Variants in FTO observed in about 807,000 individuals in gnomAD.
FTO encodes the protein FTO alpha-ketoglutarate dependent dioxygenase.
In FTO, 47 loss-of-function variants were observed where a neutral mutation model predicts 63.9. The ratio of observed to expected loss-of-function variants is 0.74; its 90% confidence interval spans 0.58 to 0.94. The LOEUF (loss-of-function observed/expected upper bound fraction) is 0.94, where lower values mean the gene tolerates loss of function less well. Among genes scored for constraint, FTO ranks in the 40% least tolerant of loss-of-function variants. The pLI is 0.00. For missense variants in FTO, 562 were observed against 618.1 expected, an observed-to-expected ratio of 0.91 and a Z score of 0.96; for synonymous variants, 207 against 224.4, an observed-to-expected ratio of 0.92 and a Z score of 0.69.
intron 6 of FTO, among the ~76,000 whole-genome samples, chr16:53,881,146 TAAATAA>T (rs2080820013): frequency 6.7e-6 from 1 of 149,666 alleles, no homozygotes; most frequent in Admixed American, 6.7e-5. Context: ...AATAAATAAA[TAAATAA>T]AAATAAAATA....
intron 1 of FTO, among the ~76,000 whole-genome samples, chr16:53,755,118 T>A (rs1269382453): frequency 6.6e-6 from 1 of 152,232 alleles, no homozygotes; most frequent in East Asian, 1.9e-4. Context: ...CCAAGATTAA[T>A]AGCTCTTGAA....
intron 7 of FTO, among the ~76,000 whole-genome samples, chr16:53,892,568 G>A (rs1180446190): frequency 6.6e-6 from 1 of 152,076 alleles, no homozygotes; most frequent in Non-Finnish European, 1.5e-5. Context: ...TTAGACAAAT[G>A]ATTCTTTTTT....
chr16:53,746,902 T>C (rs1018108276), intron 1 of FTO, among the ~76,000 whole-genome samples: 1 of 152,196 alleles, frequency 6.6e-6, no homozygotes, highest in Non-Finnish European at 1.5e-5. Context: ...TATTCTTTGC[T>C]TCTTTGAGTT....
At chr16:54,006,389 G>T (rs1194145035) in intron 8 of FTO, among the ~76,000 whole-genome samples, 3 of 152,160 alleles carry the variant, frequency 2.0e-5, no homozygotes, top group Non-Finnish European at 4.4e-5. Context: ...CTTTTCGGAT[G>T]GTAGTTCAAG....
chr16:54,025,161 G>T lies in FTO; in HGVS notation c.1365-86601G>T, dbSNP rs76209869. 6.9e-3 allele frequency among the ~76,000 whole-genome samples: 1,049 copies of T among 152,360 alleles called. 13 individuals are homozygous for T. The highest frequency in any genetic ancestry group is 0.022 in the African/African-American group (922 of 41,586). On this transcript the variant is annotated intron_variant, in intron 8 of 8. Coordinates refer to ENST00000471389, the MANE Select transcript of FTO (RefSeq NM_001080432.3). ...TGCTCCTCCATTAGGGGAGGCCAGA[G>T]CCCCTTGATGACAGTCCCACTAAGA...
At position 54,115,914 on chromosome 16, in the gene FTO, C is replaced by T. The variant is rs1386858243; in HGVS notation, c.*3999C>T. 2.6e-5 allele frequency: 4 copies of T among 152,240 alleles called. No individual in the cohort carries two copies. Among genetic ancestry groups the T allele is most frequent in the Admixed American group, 2.0e-4 (3 of 15,284 alleles). The allele number at this position is 152,240 out of a possible 1,614,324, so 9.4% of individuals were successfully genotyped here. A position where few individuals can be genotyped will look rare whatever the true frequency, so the allele number is the denominator to read the frequency against. On this transcript the variant is annotated 3_prime_UTR_variant, in exon 9 of 9. Coordinates refer to ENST00000471389, the MANE Select transcript of FTO (RefSeq NM_001080432.3). ...TGGCTGGGTGAGATCTCAAGATGGC[C>T]TGCGGCCCCTCTAGATTGCCTGCCT...
rs548698286 is a variant in FTO at position 54,059,807 on chromosome 16, T to G, written c.1365-51955T>G. Among the ~76,000 whole-genome samples, 18 of 152,360 alleles carry G rather than the reference T, an allele frequency of 1.2e-4. No homozygotes were observed. The South Asian group carries it at 3.7e-3, about 32-fold the overall frequency. ...TCTGTCAGCTTGTGTGCTGTTTGTGTTGACAGTTGTAAAGTTAATTACTAG... is the reference window on the plus strand; with the variant it reads ...TCTGTCAGCTTGTGTGCTGTTTGTGGTGACAGTTGTAAAGTTAATTACTAG... On this transcript the variant is annotated intron_variant, in intron 8 of 8. Transcript: ENST00000471389.
chr16:53,899,783 A>G (rs2081358019), intron 7 of FTO, among the ~76,000 whole-genome samples: 1 of 152,038 alleles, frequency 6.6e-6, no homozygotes, highest in African/African-American at 2.4e-5. Flanking sequence ...ACCAGGGGAG[A>G]CCTTTGGACT....
chr16:53,704,095 C>G (rs574953438), upstream of FTO: 440 of 1,288,682 alleles, frequency 3.4e-4, 6 homozygotes, highest in South Asian at 5.2e-3. Flanking sequence ...CAGACGGGAG[C>G]AGGACGCTGA....
intron 3 of FTO, among the ~76,000 whole-genome samples, chr16:53,840,567 C>T (rs1363495219): frequency 6.6e-6 from 1 of 152,108 alleles, no homozygotes; most frequent in Non-Finnish European, 1.5e-5. Flanking sequence ...TAGTCTGTGT[C>T]TTATCTACTC....
chr16:54,028,299 A>G (rs1211331672), intron 8 of FTO, among the ~76,000 whole-genome samples: 1 of 152,154 alleles, frequency 6.6e-6, no homozygotes, highest in African/African-American at 2.4e-5. Flanking sequence ...GGACCCAGGC[A>G]TTGCAACTAA....
intron 1 of FTO, among the ~76,000 whole-genome samples, chr16:53,731,093 G>C (rs949934560): frequency 6.6e-6 from 1 of 152,150 alleles, no homozygotes; most frequent in Non-Finnish European, 1.5e-5. Flanking sequence ...GTTGTAAAAA[G>C]GATCCTGCAT....
At chr16:54,028,748 T>G (rs1447847169) in intron 8 of FTO, among the ~76,000 whole-genome samples, 7 of 152,110 alleles carry the variant, frequency 4.6e-5, no homozygotes, top group African/African-American at 1.7e-4. Context: ...TATATTAAAT[T>G]TTGAAATAAT....
chr16:53,760,641 T>TC (rs1555629294), intron 1 of FTO, among the ~76,000 whole-genome samples: 4 of 149,072 alleles, frequency 2.7e-5, no homozygotes, highest in Admixed American at 6.7e-5. Context: ...TTTTTTTTTT[T>TC]CCTGAGACTG....
Position 54,083,555 on chromosome 16 carries a change from A to G in FTO, c.1365-28207A>G, listed in dbSNP as rs191495673. 2.4e-3 allele frequency among the ~76,000 whole-genome samples: 364 copies of G among 152,300 alleles called. 2 individuals carry two copies. Among genetic ancestry groups the G allele is most frequent in the African/African-American group, 7.9e-3 (328 of 41,564 alleles). On this transcript the variant is annotated intron_variant, in intron 8 of 8. Coordinates refer to ENST00000471389, the MANE Select transcript of FTO (RefSeq NM_001080432.3). ...GACTACAATAATATGCCAGTTTTAG[A>G]AAACCTTGGCTTTGTCATGGTTAGA...
intron 4 of FTO, among the ~76,000 whole-genome samples, chr16:53,866,016 A>G (rs1249387754): frequency 6.6e-6 from 1 of 152,206 alleles, no homozygotes; most frequent in Non-Finnish European, 1.5e-5. Flanking sequence ...ACCGCTAAGT[A>G]TGATATTTGC....
At chr16:53,970,463 G>A (rs993059128) in intron 8 of FTO, among the ~76,000 whole-genome samples, 8 of 151,840 alleles carry the variant, frequency 5.3e-5, no homozygotes, top group Non-Finnish European at 8.8e-5. Context: ...GGTGGTGGGC[G>A]CCTATAATCC....
chr16:53,829,990 G>T (rs954186891), intron 3 of FTO, among the ~76,000 whole-genome samples: 1 of 152,128 alleles, frequency 6.6e-6, no homozygotes, highest in South Asian at 2.1e-4. Flanking sequence ...TTCAGATACA[G>T]AAGTGATTGC....
chr16:53,825,936 C>T lies in FTO; in HGVS notation c.196C>T (p.Gln66Ter). 7 of 1,614,142 alleles carry T rather than the reference C, an allele frequency of 4.3e-6. No individual in the cohort carries two copies. Among genetic ancestry groups the T allele is most frequent in the Non-Finnish European group, 5.9e-6 (7 of 1,180,026 alleles). ...SVSEELHKEV[Q>*]EAFLTLHKHG... is the part of the protein sequence containing the mutation. ...ATCTGAGGAGCTCCATAAAGAGGTT[C>T]AAGAAGCCTTTCTCACACTGCACAA... The change falls in exon 3 of 9, where the codon CAA (glutamine) becomes TAA (stop). Residue 66 changes from glutamine (Q) to a stop codon, truncating the protein, a stop_gained. Transcript: ENST00000471389. LOFTEE classifies it high-confidence loss of function.
Sources: gnomAD v4.1 joint callset for allele counts (sites outside exome capture counted in the v4.1 genomes callset) on GRCh38, gnomAD v4.1.1 for gene constraint, MANE v1.5 for transcripts, NCBI Gene and HGNC (gene_info 2026-07-23, HGNC 2026-07-21) for gene names.